RALGAPA2: variants seen among roughly 807,000 people sequenced by gnomAD.
RALGAPA2 encodes ral GTPase-activating protein subunit alpha-2.
In RALGAPA2, 139 loss-of-function variants were observed where a neutral mutation model predicts 230.4. The ratio of observed to expected loss-of-function variants is 0.60; its 90% CI spans 0.53 to 0.69. The LOEUF (loss-of-function observed/expected upper bound fraction) is 0.69. Ranked by LOEUF, RALGAPA2 falls within the 30% of genes least tolerant of loss-of-function variation. The pLI, the probability that RALGAPA2 is intolerant of heterozygous loss-of-function variation, is 0.00. For missense variants in RALGAPA2, 2,163 were observed against 2,276.0 expected, an observed-to-expected ratio of 0.95 and a Z score of 1.01; for synonymous variants, 847 against 837.8, an observed-to-expected ratio of 1.01 and a Z score of -0.19.
chr20:20,414,471 T>G (rs1245628377), intron 37 of RALGAPA2, among the ~76,000 whole-genome samples: 1 of 152,136 alleles, frequency 6.6e-6, no homozygotes, highest in Non-Finnish European at 1.5e-5. Context: ...TTAATCAAGC[T>G]CATGATCAAA....
chr20:20,444,107 C>T (rs2060806144), intron 37 of RALGAPA2, among the ~76,000 whole-genome samples: 1 of 152,182 alleles, frequency 6.6e-6, no homozygotes, highest in Admixed American at 6.5e-5. Context: ...ATTATATGTG[C>T]AGCCAGGGTT....
At chr20:20,449,438 A>C (rs189756198) in intron 37 of RALGAPA2, among the ~76,000 whole-genome samples, 181 of 152,346 alleles carry the variant, frequency 1.2e-3, no homozygotes, top group Non-Finnish European at 2.3e-3. Flanking sequence ...TGTCACATAA[A>C]ATCCATTATT....
chr20:20,638,665 A>T (rs2146492339), intron 7 of RALGAPA2, among the ~76,000 whole-genome samples: 1 of 152,300 alleles, frequency 6.6e-6, no homozygotes, highest in South Asian at 2.1e-4. Context: ...GGATAAACTG[A>T]ATGTCCAAAC....
chr20:20,659,396 A>T (rs2067694803), intron 3 of RALGAPA2, among the ~76,000 whole-genome samples: 1 of 152,238 alleles, frequency 6.6e-6, no homozygotes, highest in South Asian at 2.1e-4. Context: ...ACATTATAAC[A>T]AAATGTTATT....
chr20:20,505,493 C>T lies in RALGAPA2; in HGVS notation c.4970G>A (p.Gly1657Asp). The T allele has an allele frequency of 1.2e-6, 2 of 1,605,464 alleles. No homozygotes were observed. The highest frequency in any genetic ancestry group is 8.5e-7 in the Non-Finnish European group (1 of 1,175,248). Residue 1657 changes from glycine to aspartate, a missense_variant, in exon 34 of 40, where the codon GGT becomes GAT. Gly to Asp is a moderately conservative substitution (Grantham distance 94, BLOSUM62 -1). Coordinates refer to ENST00000202677, the MANE Select transcript of RALGAPA2 (RefSeq NM_020343.4). ...GAGGATTGAACACTTGTCTTCTTGACCTTCAGCAATGTAAAACACTGCGAT... is the reference window on the plus strand; with the variant it reads ...GAGGATTGAACACTTGTCTTCTTGATCTTCAGCAATGTAAAACACTGCGAT... ...HKIAVFYIAE[G>D]QEDKCSILSN... is the part of the protein sequence containing the mutation.
intron 38 of RALGAPA2, among the ~76,000 whole-genome samples, chr20:20,409,792 T>C (rs1232983795): frequency 6.6e-6 from 1 of 152,230 alleles, no homozygotes; most frequent in East Asian, 1.9e-4. Flanking sequence ...TCTGTCCTCA[T>C]TGTACTGCCC....
intron 35 of RALGAPA2, among the ~76,000 whole-genome samples, chr20:20,500,692 A>G (rs2062349237): frequency 6.6e-6 from 1 of 152,230 alleles, no homozygotes; most frequent in African/African-American, 2.4e-5. Context: ...ATGAATCACG[A>G]ATGTTCCTAA....
At chr20:20,539,644 C>A (rs2063590070) in intron 24 of RALGAPA2, among the ~76,000 whole-genome samples, 1 of 152,168 alleles carries the variant, frequency 6.6e-6, no homozygotes, top group Admixed American at 6.5e-5. Context: ...GATCTACTCT[C>A]TTAGCAAATT....
Position 20,616,083 on chromosome 20 carries a change from T to A in RALGAPA2, c.1648A>T (p.Arg550Trp), listed in dbSNP as rs2066133569. The change falls in exon 13 of 40, where the codon AGG becomes TGG. Residue 550 changes from arginine (R) to tryptophan (W), a missense_variant. Coordinates refer to ENST00000202677, the MANE Select transcript of RALGAPA2 (RefSeq NM_020343.4). ...ATTGTAAGCTCCATTATCATGCGCCTAAAAATAATCAAAACAGCTTTACAA... is the reference window on the plus strand; with the variant it reads ...ATTGTAAGCTCCATTATCATGCGCCAAAAAATAATCAAAACAGCTTTACAA... The part of the protein sequence containing the change: ...DACKAVLIIF[R>W]RMIMELTMNK... The A allele has an allele frequency of 3.9e-6, 6 of 1,552,672 alleles. No individual in the cohort carries two copies. The highest frequency in any genetic ancestry group is 5.2e-6 in the Non-Finnish European group (6 of 1,148,506).
Position 20,640,853 on chromosome 20 carries a change from A to G in RALGAPA2, c.398T>C (p.Phe133Ser), listed in dbSNP as rs1472547508. The change falls in exon 6 of 40, where the codon TTT becomes TCT. Residue 133 changes from phenylalanine to serine, a missense_variant. Coordinates refer to ENST00000202677, the MANE Select transcript of RALGAPA2 (RefSeq NM_020343.4). ...IKIRCEGIRLFLLWLQALQTN... is the reference protein window; with the variant it reads ...IKIRCEGIRLSLLWLQALQTN... ...CTGAAGTGCTTGAAGCCACAGAAGA[A>G]ACAGCCTGATTCCTTCACATCTTAT... 2 of 1,613,306 alleles carry G rather than the reference A, an allele frequency of 1.2e-6. No individual in the cohort carries two copies. The highest frequency in any genetic ancestry group is 2.7e-5 in the African/African-American group (2 of 74,940).
intron 27 of RALGAPA2, among the ~76,000 whole-genome samples, chr20:20,530,698 A>G (rs951530947): frequency 1.3e-5 from 2 of 152,226 alleles, no homozygotes; most frequent in African/African-American, 4.8e-5. Context: ...GGCATGCAGC[A>G]GCCTGAATGC....
intron 37 of RALGAPA2, among the ~76,000 whole-genome samples, chr20:20,447,695 A>T (rs1313111202): frequency 1.3e-5 from 2 of 152,086 alleles, no homozygotes; most frequent in African/African-American, 4.8e-5. Context: ...CTTCAACCCA[A>T]CATAAAATAA....
Position 20,541,700 on chromosome 20 carries a change from T to A in RALGAPA2, c.3286-4916A>T, listed in dbSNP as rs1602713139. On this transcript the variant is annotated intron_variant, in intron 24 of 39. Coordinates refer to ENST00000202677, the MANE Select transcript of RALGAPA2 (RefSeq NM_020343.4). ...CCATTTAATATTTTTGGACCACCAC[T>A]GACTGTGGTAACTGATATCAGAAAG... Among the ~76,000 whole-genome samples the A allele has an allele frequency of 2.6e-5, 4 of 152,314 alleles. No individual in the cohort carries two copies. The South Asian group carries it at 8.3e-4, about 32-fold the overall frequency.
chr20:20,672,366 C>G (rs935054236), intron 3 of RALGAPA2, among the ~76,000 whole-genome samples: 2 of 152,082 alleles, frequency 1.3e-5, no homozygotes, highest in Non-Finnish European at 2.9e-5. Context: ...ACTTAAGCTA[C>G]TAGGATTATC....
At chr20:20,600,567 G>A (rs1204428928) in intron 16 of RALGAPA2, among the ~76,000 whole-genome samples, 1 of 152,184 alleles carries the variant, frequency 6.6e-6, no homozygotes, top group African/African-American at 2.4e-5. Context: ...ACTCCAACAG[G>A]ATTCTAAACC....
chr20:20,404,069 G>A (rs1385055144), intron 38 of RALGAPA2, among the ~76,000 whole-genome samples: 1 of 151,170 alleles, frequency 6.6e-6, no homozygotes, highest in Admixed American at 6.6e-5. Flanking sequence ...CTATGCATCT[G>A]GATTTTATTG....
chr20:20,489,183 C>T (rs963283851), intron 36 of RALGAPA2, among the ~76,000 whole-genome samples: 11 of 152,112 alleles, frequency 7.2e-5, no homozygotes, highest in African/African-American at 1.7e-4. Flanking sequence ...TTGATATCAG[C>T]GTCTACAGCA....
chr20:20,526,376 C>A lies in RALGAPA2; in HGVS notation c.3583-14G>T, dbSNP rs777544861. 4 of 1,525,986 alleles carry A rather than the reference C, an allele frequency of 2.6e-6. No homozygotes were observed. Among genetic ancestry groups the A allele is most frequent in the Non-Finnish European group, 3.6e-6 (4 of 1,120,484 alleles). 94.5% of individuals were successfully genotyped at this position (1,525,986 alleles called of 1,614,324 possible). A position where few individuals can be genotyped will look rare whatever the true frequency, so the allele number is the denominator to read the frequency against. ...TTTGTTGGGAAACTATAAAAGGAAA[C>A]CGAATCCCAAAGCAGACACATAACT... On this transcript the variant is annotated splice_polypyrimidine_tract_variant and intron_variant, in intron 27 of 39. Transcript: ENST00000202677.
chr20:20,575,893 T>G (rs2064803509), intron 20 of RALGAPA2, among the ~76,000 whole-genome samples: 1 of 152,152 alleles, frequency 6.6e-6, no homozygotes, highest in Non-Finnish European at 1.5e-5. Context: ...ATAAATCCTT[T>G]CAATGTGGCT....
Sources: allele counts gnomAD v4.1 joint callset (sites outside exome capture counted in the v4.1 genomes callset), GRCh38; gene constraint gnomAD v4.1.1; transcripts MANE v1.5; gene names NCBI Gene and HGNC (gene_info 2026-07-23, HGNC 2026-07-21).